SKIL: variants seen among roughly 807,000 people sequenced by gnomAD.
SKIL encodes the protein ski-like protein.
In SKIL, 20 loss-of-function variants were observed where a neutral mutation model predicts 69.6. The observed-to-expected ratio is 0.29, with a 90% confidence interval of 0.20 to 0.42. SKIL has a LOEUF of 0.42. Among genes scored for constraint, SKIL ranks in the 10% least tolerant of loss-of-function variants. The probability of loss-of-function intolerance (pLI) is 1.00; values close to 1 mark genes in which losing one functional copy is unlikely to be tolerated. For synonymous variants in SKIL, 310 were observed against 279.9 expected (o/e 1.11, Z -1.08); for missense variants, 745 against 783.1 (o/e 0.95, Z 0.58).
chr3:170,358,538 C>T (rs1220679167), intron 1 of SKIL: 3 of 152,742 alleles, frequency 2.0e-5, no homozygotes, highest in African/African-American at 7.2e-5. Context: ...GGTCATGCCT[C>T]TTGCTCTCTT....
Position 170,360,284 on chromosome 3 carries a change from A to C in SKIL, c.-48A>C. Reference sequence around the variant, plus strand: ...TTTCCTCTTTTCAAATAAGCAACTAAATAGAAATGCTAATCTCAGACTTAA... The same window carrying C: ...TTTCCTCTTTTCAAATAAGCAACTACATAGAAATGCTAATCTCAGACTTAA... On this transcript the variant is annotated 5_prime_UTR_variant, in exon 2 of 7. Transcript: ENST00000259119. 6.7e-7 allele frequency: 1 copy of C among 1,492,560 alleles called. No homozygotes were observed. The allele number at this position is 1,492,560 out of a possible 1,614,324, so 92.5% of individuals were successfully genotyped here.
At chr3:170,385,119 G>A (rs1192741586) in intron 4 of SKIL, 4 of 174,850 alleles carry the variant, frequency 2.3e-5, no homozygotes, top group East Asian at 1.6e-4. Flanking sequence ...AGTCTTTATC[G>A]CCTAGGCTGA....
chr3:170,388,580 G>A (rs2108224146), intron 4 of SKIL, among the ~76,000 whole-genome samples: 1 of 151,892 alleles, frequency 6.6e-6, no homozygotes, highest in East Asian at 1.9e-4. Flanking sequence ...CTACAGGGAT[G>A]TACCACCATG....
chr3:170,384,646 A>T lies in SKIL; in HGVS notation c.1310A>T (p.Gln437Leu), dbSNP rs750891726. The change falls in exon 4 of 7, where the codon CAG (glutamine) becomes CTG (leucine). Residue 437 changes from glutamine (Q) to leucine (L), a missense_variant. Transcript: ENST00000259119. ...KTEASKSISR[Q>L]SEKAHSSGKL... ...GAGGCAAGTAAGTCCATATCAAGAC[A>T]GTCAGAGAAGGCTCACAGTAGTGGT... 6.8e-5 allele frequency: 110 copies of T among 1,611,524 alleles called. No individual in the cohort carries two copies. In the South Asian group the frequency reaches 1.1e-3, roughly 16 times the overall value.
At position 170,393,870 on chromosome 3, in the gene SKIL, C is replaced by T. The variant is rs375869584; in HGVS notation, c.*1453C>T. The T allele has an allele frequency of 7.2e-5, 11 of 152,086 alleles. 2 individuals carry two copies. In the South Asian group the frequency reaches 2.3e-3, roughly 32 times the overall value. The allele number at this position is 152,086 out of a possible 1,614,324, so 9.4% of individuals were successfully genotyped here. A position where few individuals can be genotyped will look rare whatever the true frequency, so the allele number is the denominator to read the frequency against. Reference sequence around the variant, plus strand: ...ATTTCCAGCATAGAAGGTAGATAATCTAATGGTGTAGAAAGAATCACTAGG... The same window carrying T: ...ATTTCCAGCATAGAAGGTAGATAATTTAATGGTGTAGAAAGAATCACTAGG... On this transcript the variant is annotated 3_prime_UTR_variant, in exon 7 of 7. Coordinates refer to ENST00000259119, the MANE Select transcript of SKIL (RefSeq NM_005414.5).
chr3:170,365,324 T>C (rs1036340400), intron 2 of SKIL, among the ~76,000 whole-genome samples: 1 of 152,206 alleles, frequency 6.6e-6, no homozygotes, highest in African/African-American at 2.4e-5. Context: ...ACATTAACTT[T>C]TCTTATCAAT....
In SKIL at chr3:170,370,171, G is replaced by A. The variant is rs772815644; in HGVS notation, c.1098+8742G>A. ...GGAGAATGGCGTAAACCCGGGAGGC[G>A]GAGCTTGCAGTGAGCCGAGATCGCG... On this transcript the variant is annotated intron_variant, in intron 2 of 6. Transcript: ENST00000259119. Among the ~76,000 whole-genome samples, 8 of 152,076 alleles carry A rather than the reference G, an allele frequency of 5.3e-5. No homozygotes were observed. In the East Asian group the frequency reaches 9.7e-4, roughly 18 times the overall value.
chr3:170,362,827 C>A (rs997115272), intron 2 of SKIL, among the ~76,000 whole-genome samples: 1 of 145,746 alleles, frequency 6.9e-6, no homozygotes, highest in African/African-American at 2.6e-5. Context: ...AAAAAAAAAA[C>A]ACAACCACCT....
At chr3:170,364,162 A>C (rs1318445141) in intron 2 of SKIL, among the ~76,000 whole-genome samples, 1 of 152,052 alleles carries the variant, frequency 6.6e-6, no homozygotes, top group Non-Finnish European at 1.5e-5. Context: ...CATGTTGCCC[A>C]GGCTGGCCTC....
rs1356453310 is a variant in SKIL at position 170,393,295 on chromosome 3, A to C, written c.*878A>C. The C allele has an allele frequency of 2.0e-5, 3 of 152,194 alleles. No individual in the cohort carries two copies. Among genetic ancestry groups the C allele is most frequent in the Non-Finnish European group, 4.4e-5 (3 of 68,012 alleles). The allele number at this position is 152,194 out of a possible 1,614,324, so 9.4% of individuals were successfully genotyped here. A position where few individuals can be genotyped will look rare whatever the true frequency, so the allele number is the denominator to read the frequency against. On this transcript the variant is annotated 3_prime_UTR_variant, in exon 7 of 7. Coordinates refer to ENST00000259119, the MANE Select transcript of SKIL (RefSeq NM_005414.5). ...GTTTTTACATGTAGTTATGAGTCTT[A>C]CTAAAATTTATATAATGGACTTGTT...
chr3:170,380,407 C>T (rs1306306153), intron 2 of SKIL, among the ~76,000 whole-genome samples: 1 of 152,082 alleles, frequency 6.6e-6, no homozygotes, highest in East Asian at 1.9e-4. Context: ...CTTTGGGAGG[C>T]TGAGGAGCAG....
intron 2 of SKIL, among the ~76,000 whole-genome samples, chr3:170,369,082 A>ATTTTTT (rs55652320): frequency 7.9e-6 from 1 of 126,776 alleles, no homozygotes; most frequent in African/African-American, 3.0e-5. Context: ...TATCCCTGGC[A>ATTTTTT]TTTTTTTTTT....
At chr3:170,362,691 T>C (rs964623700) in intron 2 of SKIL, among the ~76,000 whole-genome samples, 3 of 151,570 alleles carry the variant, frequency 2.0e-5, no homozygotes, top group African/African-American at 7.3e-5. Flanking sequence ...GGTGTGTGTT[T>C]GTAGTCCCAG....
chr3:170,395,885 T>C lies in SKIL; in HGVS notation c.*3468T>C, dbSNP rs1336702974. On this transcript the variant is annotated 3_prime_UTR_variant, in exon 7 of 7. Coordinates refer to ENST00000259119, the MANE Select transcript of SKIL (RefSeq NM_005414.5). ...AGCAATAAGGGACATAAAACTGCTG[T>C]ATTATACATTGTGGAATTGAATAAA... 1.3e-5 allele frequency: 2 copies of C among 150,694 alleles called. No homozygotes were observed. Among genetic ancestry groups the C allele is most frequent in the African/African-American group, 4.9e-5 (2 of 41,196 alleles). The allele number at this position is 150,694 out of a possible 1,614,324, so 9.3% of individuals were successfully genotyped here.
At chr3:170,369,082 A>ATTTTTTTTTTTTTTTTTTTT (rs55652320) in intron 2 of SKIL, among the ~76,000 whole-genome samples, 1 of 126,776 alleles carries the variant, frequency 7.9e-6, no homozygotes, top group Non-Finnish European at 1.7e-5. Flanking sequence ...TATCCCTGGC[A>ATTTTTTTTTTTTTTTTTTTT]TTTTTTTTTT....
chr3:170,384,873 CT>C, intron 4 of SKIL, 108 bp downstream of exon 4: 1 of 613,086 alleles, frequency 1.6e-6, no homozygotes, highest in Non-Finnish European at 2.8e-6. Context: ...ATAATTGGAG[CT>C]TTTACCTTTA....
At position 170,394,405 on chromosome 3, in the gene SKIL, T is replaced by C. The variant is rs1413296330; in HGVS notation, c.*1988T>C. ...TAGTTTTATTTTAATTTTGAATTATTTGTGTCACAGCTCAGCTTTTTGGAA... is the reference window on the plus strand; with the variant it reads ...TAGTTTTATTTTAATTTTGAATTATCTGTGTCACAGCTCAGCTTTTTGGAA... On this transcript the variant is annotated 3_prime_UTR_variant, in exon 7 of 7. Coordinates refer to ENST00000259119, the MANE Select transcript of SKIL (RefSeq NM_005414.5). 1 of 152,170 alleles carries C rather than the reference T, an allele frequency of 6.6e-6. No homozygotes were observed. Among genetic ancestry groups the C allele is most frequent in the Non-Finnish European group, 1.5e-5 (1 of 68,022 alleles). 9.4% of individuals were successfully genotyped at this position (152,170 alleles called of 1,614,324 possible).
Position 170,392,355 on chromosome 3 carries a change from G to A in SKIL, c.1993G>A (p.Glu665Lys), listed in dbSNP as rs557093667. The change falls in exon 7 of 7, where the codon GAG becomes AAG. Residue 665 changes from glutamate to lysine, a missense_variant. By Grantham distance (56) the Glu-to-Lys change is moderately conservative (BLOSUM62 1). Transcript: ENST00000259119. ...GGAACGGGAAGCAAGACAGAAGTTAGAGATGATGATAAAAGAGCTAAAGCT... is the reference window on the plus strand; with the variant it reads ...GGAACGGGAAGCAAGACAGAAGTTAAAGATGATGATAAAAGAGCTAAAGCT... The part of the protein sequence containing the change: ...RQEREARQKL[E>K]MMIKELKLQI... The A allele has an allele frequency of 3.7e-6, 6 of 1,612,778 alleles. No individual in the cohort carries two copies. The highest frequency in any genetic ancestry group is 4.2e-6 in the Non-Finnish European group (5 of 1,178,892).
intron 2 of SKIL, among the ~76,000 whole-genome samples, chr3:170,369,803 A>G (rs1237243565): frequency 6.6e-6 from 1 of 152,244 alleles, no homozygotes; most frequent in Non-Finnish European, 1.5e-5. Context: ...TTGTTTGAGA[A>G]TAGCTTTGGT....
Sources: allele counts gnomAD v4.1 joint callset (sites outside exome capture counted in the v4.1 genomes callset), GRCh38; gene constraint gnomAD v4.1.1; transcripts MANE v1.5; gene names NCBI Gene and HGNC (gene_info 2026-07-23, HGNC 2026-07-21).